ENPP2: variants seen among roughly 807,000 people sequenced by gnomAD.
ENPP2 encodes the protein autotaxin.
ENPP2 carries 51 observed loss-of-function variants against 120.2 expected under a neutral mutation model. That is an observed-to-expected ratio of 0.42 (90% CI 0.34 to 0.54). The LOEUF is 0.54. Ranked by LOEUF, ENPP2 falls within the 20% of genes least tolerant of loss-of-function variation. The probability of loss-of-function intolerance (pLI) is 0.04; values close to 1 mark genes in which losing one functional copy is unlikely to be tolerated. For missense variants in ENPP2, 920 were observed against 1,066.5 expected (o/e 0.86, Z 1.91); for synonymous variants, 365 against 366.4 (o/e 1.00, Z 0.04).
At chr8:119,622,258 G>A (rs760424712) in intron 3 of ENPP2, among the ~76,000 whole-genome samples, 32 of 152,162 alleles carry the variant, frequency 2.1e-4, no homozygotes, top group South Asian at 4.1e-4. Context: ...GTTAATCAGT[G>A]TGATTCAAAC....
chr8:119,607,281 G>A (rs1374725211), intron 9 of ENPP2, among the ~76,000 whole-genome samples: 1 of 152,182 alleles, frequency 6.6e-6, no homozygotes, highest in Non-Finnish European at 1.5e-5. Context: ...TAGTCTAAGA[G>A]AAATATACAT....
intron 21 of ENPP2, 57 bp downstream of exon 21, chr8:119,569,178 A>T: frequency 6.4e-7 from 1 of 1,555,740 alleles, no homozygotes; most frequent in Non-Finnish European, 8.8e-7. Flanking sequence ...CCAAATACCA[A>T]GATTGCACAA....
intron 1 of ENPP2, among the ~76,000 whole-genome samples, chr8:119,667,375 T>C (rs1337449890): frequency 6.6e-6 from 1 of 152,200 alleles, no homozygotes. Context: ...GAAAATTCTT[T>C]ATTGTATTGA....
chr8:119,666,179 T>C (rs529444568), intron 1 of ENPP2, among the ~76,000 whole-genome samples: 8 of 152,346 alleles, frequency 5.3e-5, no homozygotes, highest in African/African-American at 1.9e-4. Context: ...TACTTATCTC[T>C]AAATAGTGAG....
intron 2 of ENPP2, among the ~76,000 whole-genome samples, chr8:119,631,429 G>T (rs1816673274): frequency 6.6e-6 from 1 of 151,274 alleles, no homozygotes; most frequent in African/African-American, 2.4e-5. Flanking sequence ...TGTTAGCCAG[G>T]ATGGTCTCGA....
At chr8:119,662,116 C>T (rs985185110) in intron 1 of ENPP2, among the ~76,000 whole-genome samples, 3 of 152,066 alleles carry the variant, frequency 2.0e-5, no homozygotes, top group Non-Finnish European at 2.9e-5. Context: ...CTCTATTATA[C>T]AGCATGGTGA....
intron 1 of ENPP2, among the ~76,000 whole-genome samples, chr8:119,645,740 G>C (rs796735846): frequency 6.6e-6 from 1 of 151,230 alleles, no homozygotes; most frequent in Non-Finnish European, 1.5e-5. Context: ...GCTTGAACCC[G>C]GGGAGTGGAG....
At chr8:119,600,163 T>G (rs959674389) in intron 11 of ENPP2, among the ~76,000 whole-genome samples, 3 of 152,136 alleles carry the variant, frequency 2.0e-5, no homozygotes, top group Admixed American at 1.3e-4. Flanking sequence ...TATGCCAAAA[T>G]GTATTAAATT....
rs61753743 is a variant in ENPP2, at chr8:119,570,807, A to C, written c.1815T>G (p.Leu605=). 4.4e-3 allele frequency: 6,966 copies of C among 1,581,990 alleles called. 18 individuals are homozygous for C. Among genetic ancestry groups the C allele is most frequent in the Middle Eastern group, 7.2e-3 (43 of 5,994 alleles). ...ATAAGATATCATATCTAGTCCGATA[A>C]AGCACTGCAGGTCGCCCATAGAGGA... The part of the protein sequence containing the change: ...RHLLYGRPAV[L]YRTRYDILYH... The change falls in exon 20 of 25, where the codon CTT becomes CTG. Residue 605 remains leucine, a synonymous_variant. Transcript: ENST00000075322.
chr8:119,560,746 T>C (rs1173997123), intron 24 of ENPP2, among the ~76,000 whole-genome samples: 1 of 152,170 alleles, frequency 6.6e-6, no homozygotes, highest in Admixed American at 6.5e-5. Context: ...TCTGATAAAT[T>C]GGAAAGAGGA....
Position 119,587,039 on chromosome 8 carries a change from C to A in ENPP2, c.1239+5G>T, listed in dbSNP as rs745585698. The A allele has an allele frequency of 1.2e-6, 2 of 1,608,446 alleles. No individual in the cohort carries two copies. The highest frequency in any genetic ancestry group is 1.7e-5 in the Admixed American group (1 of 59,262). ...GGCAGAGGCGGGACAACTGGAAACACTTACCGTGAGATTGGCAATAATGGC... is the reference window on the plus strand; with the variant it reads ...GGCAGAGGCGGGACAACTGGAAACAATTACCGTGAGATTGGCAATAATGGC... On this transcript the variant is annotated splice_donor_5th_base_variant and intron_variant, in intron 14 of 24. Coordinates refer to ENST00000075322, the MANE Select transcript of ENPP2 (RefSeq NM_001040092.3).
At chr8:119,629,038 A>C (rs1307471778) in intron 2 of ENPP2, among the ~76,000 whole-genome samples, 2 of 152,184 alleles carry the variant, frequency 1.3e-5, no homozygotes, top group Non-Finnish European at 2.9e-5. Flanking sequence ...ATATATAAAT[A>C]CCATACAATA....
At chr8:119,623,218 C>A (rs889090457) in intron 3 of ENPP2, among the ~76,000 whole-genome samples, 11 of 152,102 alleles carry the variant, frequency 7.2e-5, no homozygotes, top group African/African-American at 2.7e-4. Flanking sequence ...GTAATCCCAG[C>A]ACTTTGGGAG....
chr8:119,566,516 G>A (rs1156672850), intron 22 of ENPP2, among the ~76,000 whole-genome samples: 2 of 152,176 alleles, frequency 1.3e-5, no homozygotes, highest in Admixed American at 6.6e-5. Context: ...CAGACAGTAA[G>A]AAAGGAGTTC....
At position 119,586,266 on chromosome 8, in the gene ENPP2, A is replaced by G. The variant is rs763336132; in HGVS notation, c.1287T>C (p.Leu429=). ...QHFKPYLKQH[L]PKRLHYANNR... is the part of the protein sequence containing the mutation. ...TGTTGGCATAGTGCAAACGTTTGGG[A>G]AGGTGCTGTTTCAAGTAAGGCTTAA... Residue 429 remains leucine (L), a synonymous_variant, in exon 15 of 25, where the codon CTT becomes CTC. Transcript: ENST00000075322. The G allele has an allele frequency of 6.2e-6, 10 of 1,613,850 alleles. No homozygotes were observed. The South Asian group carries it at 1.1e-4, about 18-fold the overall frequency.
intron 8 of ENPP2, among the ~76,000 whole-genome samples, chr8:119,610,199 G>A (rs559315916): frequency 1.2e-4 from 18 of 151,656 alleles, no homozygotes; most frequent in Middle Eastern, 3.4e-3. Context: ...ATTTTAAAAA[G>A]CAGTGTCTTA....
At chr8:119,668,388 T>C (rs1342191913) in intron 1 of ENPP2, among the ~76,000 whole-genome samples, 1 of 151,976 alleles carries the variant, frequency 6.6e-6, no homozygotes, top group Admixed American at 6.5e-5. Flanking sequence ...ATGTCTCATG[T>C]TCTATACTTT....
intron 1 of ENPP2, among the ~76,000 whole-genome samples, chr8:119,666,578 C>T (rs1404163881): frequency 6.6e-6 from 1 of 151,986 alleles, no homozygotes; most frequent in African/African-American, 2.4e-5. Context: ...GTCAGGAGTT[C>T]GAGACCAGCC....
At chr8:119,655,645 G>A (rs1179178242) in intron 1 of ENPP2, among the ~76,000 whole-genome samples, 3 of 152,146 alleles carry the variant, frequency 2.0e-5, no homozygotes, top group Non-Finnish European at 2.9e-5. Context: ...ACCATATTTC[G>A]AAGAACTAAA....
Sources: gnomAD v4.1 joint callset for allele counts (sites outside exome capture counted in the v4.1 genomes callset) on GRCh38, gnomAD v4.1.1 for gene constraint, MANE v1.5 for transcripts, NCBI Gene and HGNC (gene_info 2026-07-23, HGNC 2026-07-21) for gene names.